The following TMEM50B variants were observed in gnomAD, a reference collection of about 807,000 sequenced individuals.
TMEM50B encodes HCV p7-trans-regulated protein 3.
Under a neutral mutation model 23.4 loss-of-function variants are expected in TMEM50B, and 14 were observed. That is an observed-to-expected ratio of 0.60 (90% confidence interval 0.39 to 0.93). TMEM50B has a LOEUF of 0.93. Among genes scored for constraint, TMEM50B ranks in the 40% least tolerant of loss-of-function variants. TMEM50B has a pLI of 0.00. For synonymous variants in TMEM50B, 64 were observed against 62.3 expected (o/e 1.03, Z -0.13); for missense variants, 159 against 193.0 (o/e 0.82, Z 1.04).
intron 1 of TMEM50B, among the ~76,000 whole-genome samples, chr21:33,473,611 G>A (rs1207105326): frequency 6.7e-6 from 1 of 150,242 alleles, no homozygotes; most frequent in Non-Finnish European, 1.5e-5. Flanking sequence ...AGAAGTTCGA[G>A]GTTACAGTGA....
At position 33,433,744 on chromosome 21, in the gene TMEM50B, G is replaced by T. The variant is rs1370890975; in HGVS notation, c.*2121-942C>A. On this transcript the variant is annotated intron_variant and NMD_transcript_variant, in intron 8 of 8. Transcript: ENST00000420455. ...CTACCGAACTGTACACCTAAAAAGA[G>T]TTATGATGGTACATTTTATGTTATG... 3.3e-5 allele frequency among the ~76,000 whole-genome samples: 5 copies of T among 152,042 alleles called. No homozygotes were observed. The East Asian group carries it at 9.7e-4, about 29-fold the overall frequency.
At chr21:33,452,894 T>C (rs1409506367) in intron 6 of TMEM50B, among the ~76,000 whole-genome samples, 1 of 151,860 alleles carries the variant, frequency 6.6e-6, no homozygotes, top group African/African-American at 2.4e-5. Context: ...AAATATACTC[T>C]GTGTGTTCAA....
intron 6 of TMEM50B, among the ~76,000 whole-genome samples, chr21:33,454,641 TA>T (rs1336790334): frequency 6.6e-6 from 1 of 152,080 alleles, no homozygotes; most frequent in East Asian, 1.9e-4. Flanking sequence ...TTTTTCTTCA[TA>T]AAGGTACTTT....
intron 8 of TMEM50B, among the ~76,000 whole-genome samples, chr21:33,436,127 G>A (rs529620660): frequency 8.6e-5 from 13 of 151,678 alleles, no homozygotes; most frequent in African/African-American, 3.1e-4. Context: ...GGAGGCCGAG[G>A]CGGGCGGATC....
intron 1 of TMEM50B, among the ~76,000 whole-genome samples, chr21:33,476,928 A>G (rs745629876): frequency 1.3e-5 from 2 of 152,162 alleles, no homozygotes; most frequent in Non-Finnish European, 2.9e-5. Flanking sequence ...AGAAACAGTC[A>G]AAATGTCCAT....
chr21:33,474,110 C>G (rs936579325), intron 1 of TMEM50B, among the ~76,000 whole-genome samples: 1 of 151,492 alleles, frequency 6.6e-6, no homozygotes, highest in African/African-American at 2.4e-5. Context: ...TACTAAAAAT[C>G]ATTCGACTGT....
intron 4 of TMEM50B, among the ~76,000 whole-genome samples, chr21:33,462,118 T>G (rs1172624462): frequency 6.6e-6 from 1 of 152,146 alleles, no homozygotes; most frequent in Non-Finnish European, 1.5e-5. Context: ...GTTCCTGTTC[T>G]TTTTTATAGT....
chr21:33,441,497 T>C (rs1316576543), intron 7 of TMEM50B, among the ~76,000 whole-genome samples: 6 of 152,228 alleles, frequency 3.9e-5, no homozygotes, highest in Admixed American at 3.9e-4. Flanking sequence ...TAAGGATCAA[T>C]AGCAAGGGGG....
At chr21:33,443,211 T>G (rs1304925532) in intron 7 of TMEM50B, among the ~76,000 whole-genome samples, 1 of 152,342 alleles carries the variant, frequency 6.6e-6, no homozygotes, top group East Asian at 1.9e-4. Context: ...AAATTTTGCC[T>G]GGCATAAAAT....
At chr21:33,475,618 A>T (rs914532892) in intron 1 of TMEM50B, among the ~76,000 whole-genome samples, 2 of 151,460 alleles carry the variant, frequency 1.3e-5, no homozygotes, top group East Asian at 2.0e-4. Flanking sequence ...AGTGCTGGGA[A>T]TACAGGCGTG....
chr21:33,460,192 G>A (rs2084204554), intron 5 of TMEM50B, among the ~76,000 whole-genome samples: 1 of 152,180 alleles, frequency 6.6e-6, no homozygotes, highest in African/African-American at 2.4e-5. Flanking sequence ...ACAGCTGAGA[G>A]GTACCAGCTT....
chr21:33,453,130 G>A (rs752595583), intron 6 of TMEM50B, among the ~76,000 whole-genome samples: 1 of 152,000 alleles, frequency 6.6e-6, no homozygotes, highest in Non-Finnish European at 1.5e-5. Context: ...ATGAAGTCTC[G>A]CTCTGTTGCT....
rs1164964100 is a variant in TMEM50B, at chr21:33,467,108, C to A, written c.114G>T (p.Trp38Cys). 6 of 1,614,094 alleles carry A rather than the reference C, an allele frequency of 3.7e-6. No individual in the cohort carries two copies. The highest frequency in any genetic ancestry group is 5.1e-6 in the Non-Finnish European group (6 of 1,179,984). ...CCACAGCTGCATCAATCATTATCCA[C>A]CAGCCTGTAAAAAACTTAAAACACA... is the stretch of plus-strand genomic sequence containing the variant. ...VVAGILFFTG[W>C]WIMIDAAVVY... Residue 38 changes from tryptophan to cysteine, a missense_variant, in exon 3 of 7, where the codon TGG (tryptophan) becomes TGT (cysteine). By Grantham distance (215) the Trp-to-Cys change is radical. Transcript: ENST00000542230.
chr21:33,434,707 C>T (rs1159063843), intron 8 of TMEM50B, among the ~76,000 whole-genome samples: 2 of 152,076 alleles, frequency 1.3e-5, no homozygotes, highest in Non-Finnish European at 2.9e-5. Flanking sequence ...TCACTTGTTC[C>T]TTCATCTGCC....
At chr21:33,442,195 C>T (rs1484637117) in intron 7 of TMEM50B, among the ~76,000 whole-genome samples, 1 of 152,096 alleles carries the variant, frequency 6.6e-6, no homozygotes, top group African/African-American at 2.4e-5. Flanking sequence ...AGTGAGACTC[C>T]ACCCCAGCAG....
intron 4 of TMEM50B, 113 bp downstream of exon 4, chr21:33,465,229 A>T: frequency 1.5e-6 from 1 of 654,712 alleles, no homozygotes; most frequent in East Asian, 2.9e-5. Context: ...GCAAATAAAA[A>T]ATATTCTATA....
intron 4 of TMEM50B, among the ~76,000 whole-genome samples, chr21:33,463,095 C>G (rs956036129): frequency 2.0e-5 from 3 of 152,092 alleles, no homozygotes; most frequent in Non-Finnish European, 2.9e-5. Flanking sequence ...AGTTTGAGAA[C>G]AGCCTGGCCA....
At chr21:33,468,553 T>C (rs1373350292) in intron 2 of TMEM50B, 2 of 439,742 alleles carry the variant, frequency 4.5e-6, no homozygotes, top group Non-Finnish European at 8.0e-6. Flanking sequence ...ATAATAATTA[T>C]ATTATCACTG....
intron 5 of TMEM50B, among the ~76,000 whole-genome samples, chr21:33,457,310 A>T (rs1464275467): frequency 6.6e-6 from 1 of 152,102 alleles, no homozygotes; most frequent in Non-Finnish European, 1.5e-5. Flanking sequence ...GAAAGATGAA[A>T]TTCACAATCA....
Sources: allele counts gnomAD v4.1 joint callset (sites outside exome capture counted in the v4.1 genomes callset), GRCh38; gene constraint gnomAD v4.1.1; transcripts MANE v1.5; gene names NCBI Gene and HGNC (gene_info 2026-07-23, HGNC 2026-07-21).